The following F5 variants were observed in gnomAD, a reference collection of about 807,000 sequenced individuals.
The protein encoded by F5 is coagulation factor V.
Under a neutral mutation model 216.4 loss-of-function variants are expected in F5, and 138 were observed. The ratio of observed to expected loss-of-function variants is 0.64; its 90% CI spans 0.56 to 0.73. F5 has a LOEUF of 0.73. F5 is among the 30% of genes least tolerant of loss of function. The pLI, the probability that F5 is intolerant of heterozygous loss-of-function variation, is 0.00. For missense variants in F5, 2,403 were observed against 2,674.0 expected (o/e 0.90, Z 2.24); for synonymous variants, 916 against 930.7 (o/e 0.98, Z 0.29).
rs1479304054 is a variant in F5 at position 169,546,490 on chromosome 1, C to T, written c.1714G>A (p.Glu572Lys). ...AACTTGGGGTCATCACGTTTCACCT[C>T]ATCAGGATTTTCACAAAACTTGTTG... ...NINKFCENPDEVKRDDPKFYE... is the reference protein window; with the variant it reads ...NINKFCENPDKVKRDDPKFYE... The change falls in exon 11 of 25, where the codon GAG becomes AAG. Residue 572 changes from glutamate to lysine, a missense_variant. Glu to Lys is a moderately conservative substitution (Grantham distance 56, BLOSUM62 1). Around this residue, in one of 4 missense-constraint regions of F5, gnomAD observed 1,425 missense variants for 1,554.8 expected, o/e 0.92. Coordinates refer to ENST00000367797, the MANE Select transcript of F5 (RefSeq NM_000130.5). 6.2e-7 allele frequency: 1 copy of T among 1,614,164 alleles called. No individual in the cohort carries two copies. Among genetic ancestry groups the T allele is most frequent in the Non-Finnish European group, 8.5e-7 (1 of 1,179,986 alleles).
chr1:169,557,440 T>A (rs1660358446), intron 5 of F5, among the ~76,000 whole-genome samples: 1 of 152,116 alleles, frequency 6.6e-6, no homozygotes, highest in Admixed American at 6.5e-5. Flanking sequence ...TTTACTTACT[T>A]TTTGATTGTT....
Position 169,560,546 on chromosome 1 carries a change from G to C in F5, c.586+8C>G. Reference sequence around the variant, plus strand: ...AGTTGTTGAATCTTTTGGTGGGGGTGTTCTTACCTTTTTTACAGATAAGCA... The same window carrying C: ...AGTTGTTGAATCTTTTGGTGGGGGTCTTCTTACCTTTTTTACAGATAAGCA... On this transcript the variant is annotated splice_region_variant and intron_variant, in intron 4 of 24. Coordinates refer to ENST00000367797, the MANE Select transcript of F5 (RefSeq NM_000130.5). 1 of 1,612,980 alleles carries C rather than the reference G, an allele frequency of 6.2e-7. No individual in the cohort carries two copies. Among genetic ancestry groups the C allele is most frequent in the Non-Finnish European group, 8.5e-7 (1 of 1,179,194 alleles).
chr1:169,561,637 T>A (rs1660490056), intron 3 of F5, among the ~76,000 whole-genome samples: 1 of 152,086 alleles, frequency 6.6e-6, no homozygotes, highest in Non-Finnish European at 1.5e-5. Flanking sequence ...GCCTGAGGAA[T>A]TCCTCATTTA....
At position 169,540,308 on chromosome 1, in the gene F5, T is replaced by C. The variant is rs778253277; in HGVS notation, c.4782A>G (p.Ser1594=). 3.7e-6 allele frequency: 6 copies of C among 1,613,790 alleles called. No homozygotes were observed. Among genetic ancestry groups the C allele is most frequent in the Non-Finnish European group, 5.1e-6 (6 of 1,179,844 alleles). ...IAAEEISWDY[S]EFVQRETDIE... ...ACTGGCCAAACCTTTGTACAAATTC[T>C]GAATAATCCCAGGATATTTCTTCAG... Residue 1594 remains serine, a synonymous_variant, in exon 13 of 25, where the codon TCA becomes TCG. Coordinates refer to ENST00000367797, the MANE Select transcript of F5 (RefSeq NM_000130.5).
chr1:169,537,488 G>A (rs1399535382), intron 13 of F5, among the ~76,000 whole-genome samples: 1 of 152,092 alleles, frequency 6.6e-6, no homozygotes, highest in Non-Finnish European at 1.5e-5. Flanking sequence ...ATAGACAAAT[G>A]GGATTGCCAT....
chr1:169,527,353 A>C (rs970603445), intron 17 of F5, among the ~76,000 whole-genome samples: 6 of 152,222 alleles, frequency 3.9e-5, no homozygotes, highest in African/African-American at 1.4e-4. Context: ...ATAATTGTAG[A>C]CTGTTTAAAT....
Position 169,559,328 on chromosome 1 carries a change from C to T in F5, c.587-32G>A, listed in dbSNP as rs777065562. 20 of 1,612,296 alleles carry T rather than the reference C, an allele frequency of 1.2e-5. 1 individual carries two copies. In the Middle Eastern group the frequency reaches 4.9e-4, roughly 40 times the overall value. ...AAGGAAAGACATGTTTTCAGTAGCA[C>T]TGCAGATAGAAGACGCTCATTAGCT... On this transcript the variant is annotated intron_variant, in intron 4 of 24. Transcript: ENST00000367797.
At chr1:169,561,035 T>G (rs1660472924) in intron 3 of F5, among the ~76,000 whole-genome samples, 1 of 152,188 alleles carries the variant, frequency 6.6e-6, no homozygotes, top group South Asian at 2.1e-4. Context: ...CCTGAACAAT[T>G]ATTATTTAAA....
At chr1:169,552,769 C>T in intron 7 of F5, 35 bp from the exon 8 acceptor site, 1 of 1,496,318 alleles carries the variant, frequency 6.7e-7, no homozygotes. Context: ...AAACCACTTT[C>T]TCAAATAGAG....
At position 169,516,757 on chromosome 1, in the gene F5, T is replaced by G. The variant is rs562292280; in HGVS notation, c.6346-1131A>C. Among the ~76,000 whole-genome samples the G allele has an allele frequency of 3.3e-5, 5 of 152,312 alleles. No homozygotes were observed. In the South Asian group the frequency reaches 1.0e-3, roughly 32 times the overall value. On this transcript the variant is annotated intron_variant, in intron 23 of 24. Transcript: ENST00000367797. ...CATCACTGCATATGTCCAGCTTTGATTTTCAACCTCTCTAAAGAGACCATA... is the reference window on the plus strand; with the variant it reads ...CATCACTGCATATGTCCAGCTTTGAGTTTCAACCTCTCTAAAGAGACCATA...
intron 1 of F5, among the ~76,000 whole-genome samples, chr1:169,584,543 G>T (rs1266069516): frequency 6.6e-6 from 1 of 152,116 alleles, no homozygotes; most frequent in Non-Finnish European, 1.5e-5. Flanking sequence ...CCTTTAAAAG[G>T]CATTGTCCTG....
At chr1:169,518,179 TA>T (rs1451659370) in intron 23 of F5, among the ~76,000 whole-genome samples, 2 of 152,178 alleles carry the variant, frequency 1.3e-5, no homozygotes, top group African/African-American at 4.8e-5. Flanking sequence ...ATTATTGGTT[TA>T]AATCAAGACT....
intron 13 of F5, among the ~76,000 whole-genome samples, chr1:169,539,804 TG>T (rs1659790530): frequency 6.6e-6 from 1 of 152,198 alleles, no homozygotes; most frequent in African/African-American, 2.4e-5. Context: ...CAGTTCAACA[TG>T]GCTTTCTACC....
At chr1:169,548,399 G>T (rs1660066522) in intron 10 of F5, among the ~76,000 whole-genome samples, 1 of 152,004 alleles carries the variant, frequency 6.6e-6, no homozygotes, top group African/African-American at 2.4e-5. Flanking sequence ...CATTAACATT[G>T]CAGCAAATTA....
At position 169,542,168 on chromosome 1, in the gene F5, G is replaced by A. The variant is rs1557915960; in HGVS notation, c.2922C>T (p.Ser974=). 3.7e-6 allele frequency: 6 copies of A among 1,614,062 alleles called. No individual in the cohort carries two copies. Among genetic ancestry groups the A allele is most frequent in the Non-Finnish European group, 4.2e-6 (5 of 1,179,984 alleles). ...EDTAVNNWLI[S]PQNASRAWGE... is the part of the protein sequence containing the mutation. ...CCCAAGCACGTGAGGCATTCTGGGGGCTGATCAGCCAATTGTTAACAGCTG... is the reference window on the plus strand; with the variant it reads ...CCCAAGCACGTGAGGCATTCTGGGGACTGATCAGCCAATTGTTAACAGCTG... The change falls in exon 13 of 25, where the codon AGC becomes AGT. Residue 974 remains serine, a synonymous_variant. Coordinates refer to ENST00000367797, the MANE Select transcript of F5 (RefSeq NM_000130.5).
At chr1:169,549,678 G>A in intron 10 of F5, 123 bp downstream of exon 10, 2 of 698,654 alleles carry the variant, frequency 2.9e-6, no homozygotes, top group South Asian at 3.4e-5. Flanking sequence ...GTGCTAAAAA[G>A]GACTACTTGA....
chr1:169,551,456 A>G (rs1400572038), intron 8 of F5, among the ~76,000 whole-genome samples: 1 of 152,134 alleles, frequency 6.6e-6, no homozygotes, highest in Non-Finnish European at 1.5e-5. Flanking sequence ...GGTGGGGGGG[A>G]AAAGCTACTT....
In F5 at chr1:169,513,428, G is replaced by A. The variant is rs1191093989; in HGVS notation, c.*885C>T. Among the ~76,000 whole-genome samples the A allele has an allele frequency of 3.3e-5, 5 of 152,092 alleles. No homozygotes were observed. Among genetic ancestry groups the A allele is most frequent in the African/African-American group, 7.2e-5 (3 of 41,440 alleles). ...GGAATGATGAAAGGGGAAGTTGCTGGAAGAAGAGAGAGGAGGAAGTTGAGG... is the reference window on the plus strand; with the variant it reads ...GGAATGATGAAAGGGGAAGTTGCTGAAAGAAGAGAGAGGAGGAAGTTGAGG... On this transcript the variant is annotated 3_prime_UTR_variant, in exon 25 of 25. Transcript: ENST00000367797.
intron 22 of F5, among the ~76,000 whole-genome samples, chr1:169,519,433 A>G (rs1057225100): frequency 9.9e-5 from 15 of 152,164 alleles, no homozygotes; most frequent in African/African-American, 3.6e-4. Context: ...ATATGGAAAG[A>G]AAAAAACGCA....
Sources: allele counts gnomAD v4.1 joint callset (sites outside exome capture counted in the v4.1 genomes callset), GRCh38; gene constraint gnomAD v4.1.1; regional missense constraint gnomAD v4.1.1; transcripts MANE v1.5; gene names NCBI Gene and HGNC (gene_info 2026-07-23, HGNC 2026-07-21).